Variants in GRIN2B observed in about 807,000 individuals in gnomAD.
The protein encoded by GRIN2B is glutamate receptor ionotropic, NMDA 2B.
Under a neutral mutation model 114.5 loss-of-function variants are expected in GRIN2B, and 5 were observed. The observed-to-expected ratio is 0.04, with a 90% confidence interval of 0.02 to 0.09. The LOEUF (loss-of-function observed/expected upper bound fraction) is 0.09. GRIN2B is among the 10% of genes least tolerant of loss of function. The pLI is 1.00. For synonymous variants in GRIN2B, 787 were observed against 745.1 expected (o/e 1.06, Z -0.92); for missense variants, 1,108 against 1,943.5 (o/e 0.57, Z 8.08).
intron 3 of GRIN2B, among the ~76,000 whole-genome samples, chr12:13,828,718 C>T (rs927186241): frequency 9.2e-5 from 14 of 152,140 alleles, no homozygotes; most frequent in African/African-American, 1.4e-4. Flanking sequence ...TTTCTTTTCC[C>T]CCTTCCAATT....
Position 13,562,573 on chromosome 12 carries a change from A to G in GRIN2B, c.*210T>C, listed in dbSNP as rs200396502. 1.7e-6 allele frequency: 1 copy of G among 586,752 alleles called. No homozygotes were observed. The highest frequency in any genetic ancestry group is 3.0e-6 in the Non-Finnish European group (1 of 329,412). The allele number at this position is 586,752 out of a possible 1,614,324, so 36.3% of individuals were successfully genotyped here. On this transcript the variant is annotated 3_prime_UTR_variant, in exon 14 of 14. Transcript: ENST00000609686. ...AGGAATGGCTGACAGCGGGGGGAAG[A>G]AGGAGAGAACTGTGAAAAGGAGGAG...
chr12:13,890,290 G>A (rs1402165950), intron 2 of GRIN2B, among the ~76,000 whole-genome samples: 1 of 152,164 alleles, frequency 6.6e-6, no homozygotes, highest in Middle Eastern at 3.2e-3. Context: ...TTAACATCCT[G>A]TGAAGTCTGC....
chr12:13,899,450 G>A (rs7304459), intron 2 of GRIN2B, among the ~76,000 whole-genome samples: 1,074 of 106,702 alleles, frequency 0.01, 50 homozygotes, highest in African/African-American at 0.027. Flanking sequence ...CCTTATGTAA[G>A]CCATGTTCAA....
intron 10 of GRIN2B, among the ~76,000 whole-genome samples, chr12:13,603,425 T>C (rs1035374850): frequency 3.9e-5 from 6 of 152,060 alleles, no homozygotes; most frequent in South Asian, 2.1e-4. Flanking sequence ...TCAGGGGCTA[T>C]AGTGAGCCAG....
At chr12:13,586,168 C>G (rs1948922174) in intron 10 of GRIN2B, among the ~76,000 whole-genome samples, 1 of 152,270 alleles carries the variant, frequency 6.6e-6, no homozygotes, top group East Asian at 1.9e-4. Flanking sequence ...CAAACATATT[C>G]AGTGAGCATC....
chr12:13,872,555 A>G (rs1317782787), intron 2 of GRIN2B, among the ~76,000 whole-genome samples: 1 of 152,242 alleles, frequency 6.6e-6, no homozygotes, highest in East Asian at 1.9e-4. Context: ...AAATGCAAGA[A>G]TGGCTTAACT....
Position 13,638,560 on chromosome 12 carries a change from TC to T in GRIN2B, c.1126-21904del, listed in dbSNP as rs1949685460. On this transcript the variant is annotated intron_variant, in intron 5 of 13. Coordinates refer to ENST00000609686, the MANE Select transcript of GRIN2B (RefSeq NM_000834.5). ...ACAGGCAAGAGCTGGGCTTCAGTTTTCCATCTGGTACTCAAAACACAAGAAA... is the reference window on the plus strand; with the variant it reads ...ACAGGCAAGAGCTGGGCTTCAGTTTTCATCTGGTACTCAAAACACAAGAAA... Among the ~76,000 whole-genome samples the T allele has an allele frequency of 2.6e-5, 4 of 152,256 alleles. No individual in the cohort carries two copies. In the South Asian group the frequency reaches 8.3e-4, roughly 32 times the overall value.
At chr12:13,636,301 T>G (rs1434437902) in intron 5 of GRIN2B, among the ~76,000 whole-genome samples, 1 of 152,134 alleles carries the variant, frequency 6.6e-6, no homozygotes, top group African/African-American at 2.4e-5. Context: ...AAAATCAGTC[T>G]GGTGAGATAG....
intron 3 of GRIN2B, among the ~76,000 whole-genome samples, chr12:13,858,198 T>C (rs770375961): frequency 7.2e-5 from 11 of 152,206 alleles, no homozygotes; most frequent in African/African-American, 2.7e-4. Context: ...ATATATAAGA[T>C]GACTAGCTCA....
intron 3 of GRIN2B, among the ~76,000 whole-genome samples, chr12:13,758,223 C>T (rs988355081): frequency 1.3e-5 from 2 of 152,146 alleles, no homozygotes; most frequent in Non-Finnish European, 2.9e-5. Flanking sequence ...ACCTGCACTT[C>T]TCCTGTCCAG....
intron 2 of GRIN2B, among the ~76,000 whole-genome samples, chr12:13,971,797 G>A (rs577430406): frequency 1.3e-5 from 2 of 152,084 alleles, no homozygotes; most frequent in Non-Finnish European, 2.9e-5. Context: ...CTGTTTTAAG[G>A]GCGTCAGGAA....
chr12:13,587,676 C>T (rs1425233903), intron 10 of GRIN2B, among the ~76,000 whole-genome samples: 2 of 152,100 alleles, frequency 1.3e-5, no homozygotes, highest in African/African-American at 2.4e-5. Context: ...AGAACAACTT[C>T]GAGTTTATGT....
At chr12:13,656,811 A>G (rs1487930943) in intron 5 of GRIN2B, among the ~76,000 whole-genome samples, 5 of 152,194 alleles carry the variant, frequency 3.3e-5, no homozygotes, top group Non-Finnish European at 7.3e-5. Context: ...TGTACTTAAA[A>G]CTACAGATTG....
At chr12:13,844,116 G>A (rs1230034598) in intron 3 of GRIN2B, among the ~76,000 whole-genome samples, 1 of 152,212 alleles carries the variant, frequency 6.6e-6, no homozygotes, top group East Asian at 1.9e-4. Flanking sequence ...ATTCAGAACA[G>A]ATTTAAGAGT....
chr12:13,929,837 G>C (rs1428426837), intron 2 of GRIN2B, among the ~76,000 whole-genome samples: 1 of 152,198 alleles, frequency 6.6e-6, no homozygotes, highest in African/African-American at 2.4e-5. Flanking sequence ...ATGGTTCACT[G>C]CAATGGTTAA....
chr12:13,919,211 T>C (rs2136809756), intron 2 of GRIN2B, among the ~76,000 whole-genome samples: 1 of 152,336 alleles, frequency 6.6e-6, no homozygotes, highest in East Asian at 1.9e-4. Context: ...TCTTCTGAGT[T>C]AGAGTGTGTA....
chr12:13,680,861 T>G, intron 4 of GRIN2B, among the ~76,000 whole-genome samples: 1 of 152,016 alleles, frequency 6.6e-6, no homozygotes, highest in East Asian at 1.9e-4. Flanking sequence ...TAAAACAAAA[T>G]CTATCTTAGA....
intron 3 of GRIN2B, among the ~76,000 whole-genome samples, chr12:13,847,231 A>G (rs1187121565): frequency 6.6e-6 from 1 of 152,164 alleles, no homozygotes; most frequent in African/African-American, 2.4e-5. Flanking sequence ...ATTATTCCTG[A>G]TATCCCTTAT....
intron 3 of GRIN2B, among the ~76,000 whole-genome samples, chr12:13,813,799 G>A (rs1327443297): frequency 6.6e-6 from 1 of 152,132 alleles, no homozygotes; most frequent in Non-Finnish European, 1.5e-5. Context: ...ATGTCAATAG[G>A]GGTGTGTCCA....
Sources: allele counts gnomAD v4.1 joint callset (sites outside exome capture counted in the v4.1 genomes callset), GRCh38; gene constraint gnomAD v4.1.1; transcripts MANE v1.5; gene names NCBI Gene and HGNC (gene_info 2026-07-23, HGNC 2026-07-21).